AMOTL2: variants seen among roughly 807,000 people sequenced by gnomAD.
AMOTL2 encodes the protein angiomotin-like protein 2.
AMOTL2 carries 33 observed loss-of-function variants against 78.4 expected under a neutral mutation model. The observed-to-expected ratio is 0.42, with a 90% CI of 0.32 to 0.56. The LOEUF (loss-of-function observed/expected upper bound fraction) is 0.56. AMOTL2 is among the 20% of genes least tolerant of loss of function. The pLI, the probability that AMOTL2 is intolerant of heterozygous loss-of-function variation, is 0.12. For missense variants in AMOTL2, 983 were observed against 1,030.1 expected (o/e 0.95, Z 0.63); for synonymous variants, 422 against 428.8 (o/e 0.98, Z 0.20).
Position 134,370,985 on chromosome 3 carries a change from A to G in AMOTL2, c.449T>C (p.Leu150Pro), listed in dbSNP as rs2017828778. 1 of 1,605,014 alleles carries G rather than the reference A, an allele frequency of 6.2e-7. No individual in the cohort carries two copies. The highest frequency in any genetic ancestry group is 8.5e-7 in the Non-Finnish European group (1 of 1,175,802). ...CAACGAGCGCACGTGCCCATGCCTC[A>G]GCTCCCGCAGGGCCTCGTCCTGCCT... is the stretch of plus-strand genomic sequence containing the variant. ...SRRQDEALRE[L>P]RHGHVRSLSE... Residue 150 changes from leucine to proline, a missense_variant, in exon 2 of 10, where the codon CTG (leucine) becomes CCG (proline). Physicochemically the swap from Leu to Pro is moderately conservative, Grantham distance 98 (BLOSUM62 -3). Coordinates refer to ENST00000249883, the MANE Select transcript of AMOTL2 (RefSeq NM_016201.4).
chr3:134,365,008 T>G (rs1481555269), intron 5 of AMOTL2, among the ~76,000 whole-genome samples: 2 of 152,086 alleles, frequency 1.3e-5, no homozygotes, highest in East Asian at 3.9e-4. Context: ...CCTTCACCTC[T>G]GGCTGGCTCT....
rs1478433351 is a variant in AMOTL2, at chr3:134,357,271, A to G, written c.*434T>C. 1 of 196,782 alleles carries G rather than the reference A, an allele frequency of 5.1e-6. No individual in the cohort carries two copies. Among genetic ancestry groups the G allele is most frequent in the Non-Finnish European group, 1.1e-5 (1 of 93,998 alleles). The allele number at this position is 196,782 out of a possible 1,614,324, so 12.2% of individuals were successfully genotyped here. A position where few individuals can be genotyped will look rare whatever the true frequency, so the allele number is the denominator to read the frequency against. Reference sequence around the variant, plus strand: ...GCCAGAGAACAATATGGCTGACTTGATTAGTGAACCAGTCCACCTGGTGTC... The same window carrying G: ...GCCAGAGAACAATATGGCTGACTTGGTTAGTGAACCAGTCCACCTGGTGTC... On this transcript the variant is annotated 3_prime_UTR_variant, in exon 10 of 10. Coordinates refer to ENST00000249883, the MANE Select transcript of AMOTL2 (RefSeq NM_016201.4).
At chr3:134,370,232 T>C (rs1035343398) in intron 2 of AMOTL2, among the ~76,000 whole-genome samples, 9 of 152,208 alleles carry the variant, frequency 5.9e-5, no homozygotes, top group Non-Finnish European at 1.3e-4. Context: ...ATCAGACCAC[T>C]GGGCCTTTCC....
intron 1 of AMOTL2, chr3:134,373,949 C>T: frequency 1.8e-6 from 1 of 558,016 alleles, no homozygotes; most frequent in Non-Finnish European, 2.3e-6. Context: ...CACCTGTAAC[C>T]CCCACCTAAC....
Position 134,356,973 on chromosome 3 carries a change from A to G in AMOTL2, c.*732T>C, listed in dbSNP as rs147229516. 8.6e-3 allele frequency: 1,311 copies of G among 152,704 alleles called. 4 individuals carry two copies. Among genetic ancestry groups the G allele is most frequent in the Admixed American group, 0.016 (247 of 15,292 alleles). The allele number at this position is 152,704 out of a possible 1,614,324, so 9.5% of individuals were successfully genotyped here. On this transcript the variant is annotated 3_prime_UTR_variant, in exon 10 of 10. Coordinates refer to ENST00000249883, the MANE Select transcript of AMOTL2 (RefSeq NM_016201.4). ...GGGAGGCCAGTCAGAAGTTTCAGAA[A>G]CTGACAGTAGGAAGAGGGGAGCACA... is the stretch of plus-strand genomic sequence containing the variant.
Position 134,361,494 on chromosome 3 carries a change from G to C in AMOTL2, c.1575+18C>G, listed in dbSNP as rs755039139. 6.3e-7 allele frequency: 1 copy of C among 1,588,672 alleles called. No individual in the cohort carries two copies. The highest frequency in any genetic ancestry group is 1.3e-5 in the African/African-American group (1 of 74,440). On this transcript the variant is annotated intron_variant, in intron 6 of 9. Transcript: ENST00000249883. ...CATCCTCAGATGCTGCCCTAGCCTG[G>C]AGACTTTCTCAGCTCACCTGCTGTG...
chr3:134,374,920 TGTGTGTGC>T (rs758136339), upstream of AMOTL2: 1,183 of 1,236,528 alleles, frequency 9.6e-4, 9 homozygotes, highest in East Asian at 5.5e-3. Flanking sequence ...TGTGTGTGTG[TGTGTGTGC>T]GTGTGTGTGT....
chr3:134,375,234 A>C (rs1033859767), upstream of AMOTL2: 1 of 1,535,664 alleles, frequency 6.5e-7, no homozygotes, highest in South Asian at 1.2e-5. Context: ...TTCTTCCCCA[A>C]GGTGATAATA....
chr3:134,371,093 G>C lies in AMOTL2; in HGVS notation c.341C>G (p.Ser114Trp), dbSNP rs922364496. The C allele has an allele frequency of 2.5e-6, 4 of 1,612,520 alleles. No individual in the cohort carries two copies. The highest frequency in any genetic ancestry group is 3.4e-6 in the Non-Finnish European group (4 of 1,179,400). The change falls in exon 2 of 10, where the codon TCG (serine) becomes TGG (tryptophan). Residue 114 changes from serine to tryptophan, a missense_variant. Physicochemically the swap from Ser to Trp is radical, Grantham distance 177. Transcript: ENST00000249883. ...LPTYEEAKAH[S>W]QYYAAQQAGT... is the part of the protein sequence containing the mutation. Reference sequence around the variant, plus strand: ...TGCCTGCTGGGCCGCATAGTACTGCGAGTGGGCTTTGGCCTCCTCATAGGT... The same window carrying C: ...TGCCTGCTGGGCCGCATAGTACTGCCAGTGGGCTTTGGCCTCCTCATAGGT...
intron 4 of AMOTL2, 49 bp from the exon 5 acceptor site, chr3:134,365,958 C>T: frequency 6.3e-7 from 1 of 1,585,738 alleles, no homozygotes; most frequent in Non-Finnish European, 8.6e-7. Flanking sequence ...AAGCTGCCAG[C>T]TTGGGATTTT....
intron 7 of AMOTL2, among the ~76,000 whole-genome samples, chr3:134,359,720 A>C (rs886664707): frequency 6.6e-6 from 1 of 152,078 alleles, no homozygotes; most frequent in Non-Finnish European, 1.5e-5. Flanking sequence ...TCTGAAAACC[A>C]CCAGTGCATA....
intron 1 of AMOTL2, chr3:134,374,101 G>T: frequency 2.3e-6 from 1 of 444,268 alleles, no homozygotes; most frequent in Non-Finnish European, 2.8e-6. Flanking sequence ...CTCTCCCCCA[G>T]CCCCAAGAGA....
chr3:134,374,984 A>G, upstream of AMOTL2: 1 of 1,412,790 alleles, frequency 7.1e-7, no homozygotes, highest in Non-Finnish European at 9.2e-7. Context: ...AGACATCCAT[A>G]TCCTCTGGGC....
Position 134,373,152 on chromosome 3 carries a change from G to A in AMOTL2, c.-62+1190C>T, listed in dbSNP as rs1559805567. ...CATCCTTCCTGGCACCCAGTCATGCGCCCCCCACACACAACGAGGGGTAGA... is the reference window on the plus strand; with the variant it reads ...CATCCTTCCTGGCACCCAGTCATGCACCCCCCACACACAACGAGGGGTAGA... On this transcript the variant is annotated intron_variant, in intron 1 of 9. Transcript: ENST00000249883. 2.0e-5 allele frequency among the ~76,000 whole-genome samples: 3 copies of A among 151,816 alleles called. No homozygotes were observed. The East Asian group carries it at 5.8e-4, about 29-fold the overall frequency.
chr3:134,369,284 T>TC (rs1307857253), intron 2 of AMOTL2, among the ~76,000 whole-genome samples: 2 of 152,084 alleles, frequency 1.3e-5, no homozygotes, highest in Admixed American at 6.5e-5. Flanking sequence ...AAGAACTTGC[T>TC]CCCCCCTGCA....
At chr3:134,365,949 A>G in intron 4 of AMOTL2, 40 bp from the exon 5 acceptor site, 1 of 1,596,656 alleles carries the variant, frequency 6.3e-7, no homozygotes, top group Non-Finnish European at 8.6e-7. Context: ...TGTCAGGTGA[A>G]GCTGCCAGCT....
In AMOTL2 at chr3:134,370,854, G is replaced by C; in HGVS notation, c.580C>G (p.Pro194Ala). 6.2e-7 allele frequency: 1 copy of C among 1,603,502 alleles called. No individual in the cohort carries two copies. Among genetic ancestry groups the C allele is most frequent in the Non-Finnish European group, 8.5e-7 (1 of 1,173,168 alleles). ...TCAGCAGGGGGGCCCCTCAGTGGGG[G>C]GCCCTGCTGGTTGCGGGCCAGCTGT... ...FPQLARNQQG[P>A]PLRGPPAEGP... The change falls in exon 2 of 10, where the codon CCC (proline) becomes GCC (alanine). Residue 194 changes from proline to alanine, a missense_variant. Physicochemically the swap from Pro to Ala is conservative, Grantham distance 27. Transcript: ENST00000249883.
chr3:134,359,504 C>T lies in AMOTL2; in HGVS notation c.1884-1G>A, dbSNP rs1178046506. 6.2e-7 allele frequency: 1 copy of T among 1,611,696 alleles called. No individual in the cohort carries two copies. Among genetic ancestry groups the T allele is most frequent in the Admixed American group, 1.7e-5 (1 of 59,906 alleles). ...GATCTGGGCATGGAGCACCTTTAAC[C>T]TGAGGGGTGAGAGGCCATGCCCACA... On this transcript the variant is annotated splice_acceptor_variant, in intron 7 of 9. Coordinates refer to ENST00000249883, the MANE Select transcript of AMOTL2 (RefSeq NM_016201.4). LOFTEE classifies it high-confidence loss of function.
At chr3:134,369,495 A>C (rs2017759266) in intron 2 of AMOTL2, among the ~76,000 whole-genome samples, 1 of 152,238 alleles carries the variant, frequency 6.6e-6, no homozygotes, top group South Asian at 2.1e-4. Context: ...GTCCAAAAGA[A>C]GAAACCACCA....
Sources: allele counts gnomAD v4.1 joint callset (sites outside exome capture counted in the v4.1 genomes callset), GRCh38; gene constraint gnomAD v4.1.1; transcripts MANE v1.5; gene names NCBI Gene and HGNC (gene_info 2026-07-23, HGNC 2026-07-21).